CST1: variants seen among roughly 807,000 people sequenced by gnomAD.
CST1 encodes cystatin-SN.
A neutral mutation model predicts 10.7 loss-of-function variants in CST1; 19 were observed. That is an observed-to-expected ratio of 1.78 (90% confidence interval 1.24 to 2.61). CST1 has a LOEUF of 2.61. Ranked by LOEUF, CST1 falls within the 30% of genes most tolerant of loss-of-function variation. The probability of loss-of-function intolerance (pLI) is 0.00; values close to 1 mark genes in which losing one functional copy is unlikely to be tolerated. For missense variants in CST1, 247 were observed against 178.1 expected (o/e 1.39, Z -2.20); for synonymous variants, 95 against 72.8 (o/e 1.31, Z -1.55).
At chr20:23,748,129 G>T (rs1297591373) in intron 2 of CST1, among the ~76,000 whole-genome samples, 1 of 152,122 alleles carries the variant, frequency 6.6e-6, no homozygotes, top group African/African-American at 2.4e-5. Flanking sequence ...CCAGCCTGCA[G>T]TGTCCTGTCC....
chr20:23,748,918 G>T, intron 2 of CST1, 98 bp downstream of exon 2: 1 of 895,056 alleles, frequency 1.1e-6, no homozygotes. Flanking sequence ...ATACCCACCT[G>T]CACACACACA....
Position 23,750,772 on chromosome 20 carries a change from C to G in CST1, c.95G>C (p.Gly32Ala). ...ATTGAGGTCTGCGTTATAGATGCCA[C>G]CCGGGATTATCCTATCCTCCTCCTT... ...SPKEEDRIIPGGIYNADLNDE... is the reference protein window; with the variant it reads ...SPKEEDRIIPAGIYNADLNDE... The change falls in exon 1 of 3, where the codon GGT becomes GCT. Residue 32 changes from glycine to alanine, a missense_variant. Coordinates refer to ENST00000304749, the MANE Select transcript of CST1 (RefSeq NM_001898.3). 6.2e-7 allele frequency: 1 copy of G among 1,614,166 alleles called. No homozygotes were observed. Among genetic ancestry groups the G allele is most frequent in the Non-Finnish European group, 8.5e-7 (1 of 1,180,026 alleles).
chr20:23,749,162 A>G, intron 1 of CST1, 33 bp from the exon 2 acceptor site: 1 of 1,609,176 alleles, frequency 6.2e-7, no homozygotes, highest in Non-Finnish European at 8.5e-7. Context: ...CAGCGCCCCC[A>G]TCAGTTCATG....
intron 1 of CST1, among the ~76,000 whole-genome samples, chr20:23,750,185 G>A (rs929978469): frequency 9.9e-5 from 15 of 152,242 alleles, no homozygotes; most frequent in South Asian, 4.1e-4. Context: ...TTTGTCAGCC[G>A]GCCTGAGGGT....
rs567548325 is a variant in CST1 at position 23,747,873 on chromosome 20, G to C, written c.369C>G (p.Tyr123Ter). The change falls in exon 3 of 3, where the codon TAC becomes TAG. Residue 123 changes from tyrosine (Y) to a stop codon, truncating the protein, a stop_gained. Transcript: ENST00000304749. LOFTEE classifies it low-confidence loss of function (END_TRUNC). ...QKKQLCSFEI[Y>*]EVPWENRRSL... The stretch of plus-strand genomic sequence containing the variant: ...ACCTTCTGTTCTCCCAGGGAACTTC[G>C]TAGATCTCGAAAGAGCACAACTGTT... 6 of 1,613,828 alleles carry C rather than the reference G, an allele frequency of 3.7e-6. No homozygotes were observed. Among genetic ancestry groups the C allele is most frequent in the African/African-American group, 1.3e-5 (1 of 74,910 alleles).
Position 23,747,716 on chromosome 20 carries a change from G to A in CST1, c.*100C>T. 8.9e-7 allele frequency: 1 copy of A among 1,122,706 alleles called. No homozygotes were observed. The highest frequency in any genetic ancestry group is 1.4e-5 in the South Asian group (1 of 70,442). The allele number at this position is 1,122,706 out of a possible 1,614,324, so 69.5% of individuals were successfully genotyped here. A position where few individuals can be genotyped will look rare whatever the true frequency, so the allele number is the denominator to read the frequency against. On this transcript the variant is annotated 3_prime_UTR_variant, in exon 3 of 3. Transcript: ENST00000304749. ...GTCTGTCTCTTGGCGCAGGCACATG[G>A]GGAGGCCTCCCGCAGGGTGGGGGCC...
At chr20:23,749,241 T>A in intron 1 of CST1, 112 bp from the exon 2 acceptor site, 1 of 859,000 alleles carries the variant, frequency 1.2e-6, no homozygotes, top group Non-Finnish European at 1.9e-6. Flanking sequence ...TGCCCACATG[T>A]CAACACAAGG....
intron 1 of CST1, 147 bp downstream of exon 1, chr20:23,750,492 G>A (rs1982799858): frequency 2.6e-6 from 2 of 768,872 alleles, no homozygotes; most frequent in East Asian, 2.7e-5. Flanking sequence ...TAGGCATGAA[G>A]GGCATCAGCG....
chr20:23,748,809 G>T (rs1259874541), intron 2 of CST1, among the ~76,000 whole-genome samples: 1 of 151,718 alleles, frequency 6.6e-6, no homozygotes, highest in Admixed American at 6.6e-5. Flanking sequence ...CACTGGCACA[G>T]GTGTGTACAC....
At chr20:23,750,386 C>T (rs1322154975) in intron 1 of CST1, among the ~76,000 whole-genome samples, 1 of 152,198 alleles carries the variant, frequency 6.6e-6, no homozygotes, top group Non-Finnish European at 1.5e-5. Context: ...CCATCCACAC[C>T]TGCTGGACCC....
intron 2 of CST1, 120 bp from the exon 3 acceptor site, chr20:23,748,019 C>T (rs1982714371): frequency 1.1e-6 from 1 of 935,692 alleles, no homozygotes; most frequent in African/African-American, 1.6e-5. Flanking sequence ...GGCCCTCACC[C>T]ACCCCTACTG....
At chr20:23,749,691 G>T (rs1468170472) in intron 1 of CST1, among the ~76,000 whole-genome samples, 1 of 151,922 alleles carries the variant, frequency 6.6e-6, no homozygotes, top group African/African-American at 2.4e-5. Flanking sequence ...CCTGGGATGA[G>T]GGACTCTCTG....
rs6076122 is a variant in CST1, at chr20:23,750,857, A to G, written c.10T>C (p.Tyr4His). Residue 4 changes from tyrosine (Y) to histidine (H), a missense_variant, in exon 1 of 3, where the codon TAT (tyrosine) becomes CAT (histidine). Tyr to His is a moderately conservative substitution (Grantham distance 83, BLOSUM62 2). Coordinates refer to ENST00000304749, the MANE Select transcript of CST1 (RefSeq NM_001898.3). The stretch of plus-strand genomic sequence containing the variant: ...AGCAGGAGCAGCAGGGTACTCAGAT[A>G]CTGGGCCATGGTCTCCTCAGAGGCA... MAQ[Y>H]LSTLLLLLAT... 1,151,543 of 1,608,304 alleles carry G rather than the reference A, an allele frequency of 0.72. 415,969 individuals carry two copies. The highest frequency in any genetic ancestry group is 0.93 in the African/African-American group (69,701 of 74,922).
intron 1 of CST1, among the ~76,000 whole-genome samples, chr20:23,750,365 A>C (rs550375981): frequency 6.6e-6 from 1 of 152,274 alleles, no homozygotes; most frequent in Non-Finnish European, 1.5e-5. Flanking sequence ...CACCCAGAGT[A>C]AGCACAGTCT....
At chr20:23,750,454 G>C (rs922773963) in intron 1 of CST1, among the ~76,000 whole-genome samples, 185 bp downstream of exon 1, 3 of 152,258 alleles carry the variant, frequency 2.0e-5, no homozygotes, top group Non-Finnish European at 4.4e-5. Context: ...AAAGGAAGCT[G>C]AGTTTGTGCA....
Position 23,747,906 on chromosome 20 carries a change from A to C in CST1, c.343-7T>G. 6.2e-7 allele frequency: 1 copy of C among 1,612,574 alleles called. No individual in the cohort carries two copies. The highest frequency in any genetic ancestry group is 8.5e-7 in the Non-Finnish European group (1 of 1,178,666). ...CGAAAGAGCACAACTGTTTCTGTGA[A>C]AGGGAAGAGAGAGGGCCAATCAGTG... is the stretch of plus-strand genomic sequence containing the variant. On this transcript the variant is annotated splice_polypyrimidine_tract_variant and splice_region_variant and intron_variant, in intron 2 of 2. Transcript: ENST00000304749.
At chr20:23,748,889 T>G in intron 2 of CST1, 127 bp downstream of exon 2, 1 of 688,618 alleles carries the variant, frequency 1.5e-6, no homozygotes, top group Non-Finnish European at 2.6e-6. Flanking sequence ...TACACATCCA[T>G]GCATACACGG....
intron 1 of CST1, among the ~76,000 whole-genome samples, chr20:23,749,361 G>C (rs1458178409): frequency 6.6e-6 from 1 of 152,220 alleles, no homozygotes; most frequent in Non-Finnish European, 1.5e-5. Flanking sequence ...TCTGCTGTCT[G>C]TGGCTCAGGG....
At chr20:23,750,256 C>T (rs1452702484) in intron 1 of CST1, among the ~76,000 whole-genome samples, 1 of 152,128 alleles carries the variant, frequency 6.6e-6, no homozygotes, top group East Asian at 1.9e-4. Context: ...CAGGGCTCTG[C>T]AGAACAGTGA....
Sources: gnomAD v4.1 joint callset for allele counts (sites outside exome capture counted in the v4.1 genomes callset) on GRCh38, gnomAD v4.1.1 for gene constraint, MANE v1.5 for transcripts, NCBI Gene and HGNC (gene_info 2026-07-23, HGNC 2026-07-21) for gene names.